The following BCAS3 variants were observed in gnomAD, a reference collection of about 807,000 sequenced individuals.
BCAS3 encodes BCAS4/BCAS3 fusion.
In BCAS3, 53 loss-of-function variants were observed where a neutral mutation model predicts 116.1. That is an observed-to-expected ratio of 0.46 (90% CI 0.37 to 0.57). The LOEUF (loss-of-function observed/expected upper bound fraction) is 0.57. Ranked by LOEUF, BCAS3 falls within the 20% of genes least tolerant of loss-of-function variation. The pLI is 0.00. For synonymous variants in BCAS3, 391 were observed against 408.2 expected (o/e 0.96, Z 0.51); for missense variants, 917 against 1,165.4 (o/e 0.79, Z 3.10).
chr17:61,026,196 G>A lies in BCAS3; in HGVS notation c.1638-8470G>A, dbSNP rs1009682587. On this transcript the variant is annotated intron_variant, in intron 16 of 23. Coordinates refer to ENST00000407086, the MANE Select transcript of BCAS3 (RefSeq NM_017679.5). The surrounding 1 kb of genome is among the most constrained non-coding windows in gnomAD (Gnocchi z 5.0). ...AAACAAGTGATTGTAGCTTTAGTTT[G>A]CTGCGTACTAACCTAATCTAGTGCA... Among the ~76,000 whole-genome samples the A allele has an allele frequency of 3.3e-5, 5 of 152,008 alleles. No homozygotes were observed. The highest frequency in any genetic ancestry group is 1.2e-4 in the African/African-American group (5 of 41,438).
chr17:61,268,780 A>G (rs767277968), intron 22 of BCAS3, among the ~76,000 whole-genome samples: 1 of 151,662 alleles, frequency 6.6e-6, no homozygotes, highest in African/African-American at 2.4e-5. Context: ...CCAGTTTCAA[A>G]CTCCTGACCT....
chr17:61,181,281 C>T lies in BCAS3; in HGVS notation c.2425+96717C>T, dbSNP rs1373191656. Reference sequence around the variant, plus strand: ...GATTCGTTCCTTGCCTAAGCCCATGCTTACATGCTAAGGCCTGAAACTGTG... The same window carrying T: ...GATTCGTTCCTTGCCTAAGCCCATGTTTACATGCTAAGGCCTGAAACTGTG... On this transcript the variant is annotated intron_variant, in intron 22 of 23. Transcript: ENST00000407086. This position sits in a 1 kb window ranked among gnomAD's most constrained non-coding sequence, Gnocchi z 5.0. 2.6e-5 allele frequency among the ~76,000 whole-genome samples: 4 copies of T among 152,178 alleles called. No homozygotes were observed. Among genetic ancestry groups the T allele is most frequent in the African/African-American group, 9.7e-5 (4 of 41,438 alleles).
chr17:61,243,251 T>C lies in BCAS3; in HGVS notation c.2426-125076T>C, dbSNP rs2047671318. Among the ~76,000 whole-genome samples, 1 of 152,230 alleles carries C rather than the reference T, an allele frequency of 6.6e-6. No homozygotes were observed. Among genetic ancestry groups the C allele is most frequent in the East Asian group, 1.9e-4 (1 of 5,196 alleles). On this transcript the variant is annotated intron_variant, in intron 22 of 23. Transcript: ENST00000407086. This position sits in a 1 kb window ranked among gnomAD's most constrained non-coding sequence, Gnocchi z 5.6. Reference sequence around the variant, plus strand: ...GTCTACACTGTGATGAGTATGGAGATACGTATATACCTATCCATCACCTCC... The same window carrying C: ...GTCTACACTGTGATGAGTATGGAGACACGTATATACCTATCCATCACCTCC...
chr17:61,062,913 A>G (rs1194525567), intron 19 of BCAS3, among the ~76,000 whole-genome samples: 2 of 152,192 alleles, frequency 1.3e-5, no homozygotes, highest in East Asian at 3.8e-4. Flanking sequence ...TTTCCCATCA[A>G]CACTCTCACA....
chr17:60,978,744 A>G (rs988967439), intron 14 of BCAS3, among the ~76,000 whole-genome samples: 1 of 151,060 alleles, frequency 6.6e-6, no homozygotes, highest in Non-Finnish European at 1.5e-5. Context: ...TCCCAGCACC[A>G]TTTATTAAAT....
At chr17:61,201,145 A>G (rs1272613083) in intron 22 of BCAS3, among the ~76,000 whole-genome samples, 1 of 152,246 alleles carries the variant, frequency 6.6e-6, no homozygotes, top group African/African-American at 2.4e-5. Context: ...AAACCAAACA[A>G]TGACAGGAAT....
chr17:60,815,149 A>G (rs1242484770), intron 7 of BCAS3, among the ~76,000 whole-genome samples: 1 of 152,234 alleles, frequency 6.6e-6, no homozygotes, highest in Non-Finnish European at 1.5e-5. Context: ...TTGTAGGGAC[A>G]TGGATGAAGC....
intron 9 of BCAS3, among the ~76,000 whole-genome samples, chr17:60,877,275 G>A (rs2055701615): frequency 6.6e-6 from 1 of 151,924 alleles, no homozygotes; most frequent in Admixed American, 6.6e-5. Flanking sequence ...AGAAATTTTG[G>A]AAAGGATGAG....
At chr17:61,221,118 G>A (rs957196486) in intron 22 of BCAS3, among the ~76,000 whole-genome samples, 15 of 152,192 alleles carry the variant, frequency 9.9e-5, no homozygotes, top group African/African-American at 3.6e-4. Flanking sequence ...AAGAAAGTGT[G>A]GTTCATAGTA....
intron 16 of BCAS3, among the ~76,000 whole-genome samples, chr17:61,024,701 C>G (rs558412623): frequency 6.6e-6 from 1 of 151,412 alleles, no homozygotes; most frequent in East Asian, 1.9e-4. Context: ...TTCCTTTTTA[C>G]ATAAAAGGAA....
intron 7 of BCAS3, among the ~76,000 whole-genome samples, chr17:60,809,955 C>G (rs993205744): frequency 6.6e-6 from 1 of 152,130 alleles, no homozygotes; most frequent in Non-Finnish European, 1.5e-5. Context: ...AAATCAGCAA[C>G]TGCAAATTGT....
intron 13 of BCAS3, among the ~76,000 whole-genome samples, chr17:60,934,545 T>C (rs1157659498): frequency 2.0e-5 from 3 of 152,220 alleles, no homozygotes; most frequent in African/African-American, 7.2e-5. Context: ...ATTTCAACTT[T>C]TCATTTATCA....
chr17:61,307,318 C>G lies in BCAS3; in HGVS notation c.2426-61009C>G, dbSNP rs757064609. Among the ~76,000 whole-genome samples the G allele has an allele frequency of 1.2e-4, 19 of 152,050 alleles. No individual in the cohort carries two copies. The highest frequency in any genetic ancestry group is 2.6e-4 in the Non-Finnish European group (18 of 67,988). On this transcript the variant is annotated intron_variant, in intron 22 of 23. Coordinates refer to ENST00000407086, the MANE Select transcript of BCAS3 (RefSeq NM_017679.5). The surrounding 1 kb of genome is among the most constrained non-coding windows in gnomAD (Gnocchi z 4.7). ...CAGTTTTAATTTACTTTTTGGGGAA[C>G]GAAAAAAACTACCTGTAATTTTTCC...
chr17:61,154,363 C>T (rs746679642), intron 22 of BCAS3, among the ~76,000 whole-genome samples: 2 of 152,002 alleles, frequency 1.3e-5, no homozygotes, highest in Non-Finnish European at 2.9e-5. Flanking sequence ...TGGAACAACT[C>T]GGAGGGATTT....
At chr17:60,884,680 T>G (rs2056477956) in intron 9 of BCAS3, among the ~76,000 whole-genome samples, 2 of 141,542 alleles carry the variant, frequency 1.4e-5, no homozygotes, top group East Asian at 2.2e-4. Flanking sequence ...CATCTTTATT[T>G]CTGCCTTCAT....
chr17:61,336,460 G>C (rs2056731402), intron 22 of BCAS3, among the ~76,000 whole-genome samples: 1 of 152,162 alleles, frequency 6.6e-6, no homozygotes, highest in Non-Finnish European at 1.5e-5. Flanking sequence ...AGAGCTTCAA[G>C]CTTTCTTCCT....
Position 61,367,983 on chromosome 17 carries a change from AAG to A in BCAS3, c.2426-341_2426-340del. 5.4e-6 allele frequency: 1 copy of A among 186,252 alleles called. No individual in the cohort carries two copies. The highest frequency in any genetic ancestry group is 1.1e-5 in the Non-Finnish European group (1 of 90,554). 11.5% of individuals were successfully genotyped at this position (186,252 alleles called of 1,614,324 possible). On this transcript the variant is annotated intron_variant, in intron 22 of 23. Coordinates refer to ENST00000407086, the MANE Select transcript of BCAS3 (RefSeq NM_017679.5). This position sits in a 1 kb window ranked among gnomAD's most constrained non-coding sequence, Gnocchi z 6.2. ...GTAGATGGAATCCCATTGTATCAAAAAGAGGAAAGTAGGGATCCGTTTGGGTT... is the reference window on the plus strand; with the variant it reads ...GTAGATGGAATCCCATTGTATCAAAAAGGAAAGTAGGGATCCGTTTGGGTT...
At chr17:60,745,267 T>A (rs892036813) in intron 5 of BCAS3, among the ~76,000 whole-genome samples, 4 of 151,810 alleles carry the variant, frequency 2.6e-5, no homozygotes, top group East Asian at 1.9e-4. Flanking sequence ...TAAAATATAT[T>A]TTTTATTTTA....
rs549795197 is a variant in BCAS3 at position 60,863,017 on chromosome 17, T to A, written c.477-5559T>A. ...TTCTCAAGAAATAGGTTACAAAGAT[T>A]TTTCTCCTGTAGTTTGTCCTTGACA... On this transcript the variant is annotated intron_variant, in intron 7 of 23. Transcript: ENST00000407086. 3.9e-5 allele frequency among the ~76,000 whole-genome samples: 6 copies of A among 152,306 alleles called. No homozygotes were observed. The East Asian group carries it at 5.8e-4, about 15-fold the overall frequency.
Sources: allele counts gnomAD v4.1 joint callset (sites outside exome capture counted in the v4.1 genomes callset), GRCh38; gene constraint gnomAD v4.1.1; non-coding constraint Gnocchi (gnomAD v3.1); transcripts MANE v1.5; gene names NCBI Gene and HGNC (gene_info 2026-07-23, HGNC 2026-07-21).